The following SLC6A15 variants were observed in gnomAD, a reference collection of about 807,000 sequenced individuals.
SLC6A15 encodes solute carrier family 6 member 15, also known as sodium-dependent neutral amino acid transporter B(0)AT2.
SLC6A15 carries 33 observed loss-of-function variants against 68.5 expected under a neutral mutation model. The observed-to-expected ratio is 0.48, with a 90% CI of 0.37 to 0.64. SLC6A15 has a LOEUF of 0.64. Ranked by LOEUF, SLC6A15 falls within the 30% of genes least tolerant of loss-of-function variation. SLC6A15 has a pLI of 0.00. For synonymous variants in SLC6A15, 347 were observed against 301.0 expected (o/e 1.15, Z -1.58); for missense variants, 747 against 874.3 (o/e 0.85, Z 1.84).
At chr12:84,888,588 G>A (rs761070673) in intron 2 of SLC6A15, among the ~76,000 whole-genome samples, 1 of 152,114 alleles carries the variant, frequency 6.6e-6, no homozygotes. Context: ...ACAGTATGAT[G>A]TAATGCACTT....
intron 9 of SLC6A15, chr12:84,867,634 T>C (rs191896948): frequency 6.6e-6 from 1 of 152,356 alleles, no homozygotes; most frequent in Admixed American, 6.5e-5. Flanking sequence ...GAGACTAATA[T>C]TGCTTATATT....
intron 1 of SLC6A15, among the ~76,000 whole-genome samples, chr12:84,907,014 G>A (rs1873191744): frequency 1.3e-5 from 2 of 151,832 alleles, no homozygotes; most frequent in Non-Finnish European, 2.9e-5. Flanking sequence ...TATATTTGAA[G>A]GTCACAAATG....
intron 1 of SLC6A15, chr12:84,911,790 ATCT>A (rs1403852670): frequency 2.0e-5 from 3 of 152,426 alleles, no homozygotes; most frequent in Admixed American, 6.5e-5. Flanking sequence ...ACTGCTTCCC[ATCT>A]TCTTACAGTC....
intron 1 of SLC6A15, among the ~76,000 whole-genome samples, chr12:84,893,193 C>T (rs1016384939): frequency 1.3e-5 from 2 of 152,096 alleles, no homozygotes; most frequent in African/African-American, 4.8e-5. Flanking sequence ...GAGAAAGGTA[C>T]ATCAAATAAC....
intron 5 of SLC6A15, chr12:84,883,243 C>A (rs1186718885): frequency 1.0e-6 from 1 of 984,784 alleles, no homozygotes; most frequent in Admixed American, 6.2e-5. Context: ...AAACAAGCTA[C>A]CTAGAATTCA....
Position 84,885,908 on chromosome 12 carries a change from T to G in SLC6A15, c.447+3A>C, listed in dbSNP as rs1307345425. 1 of 1,602,154 alleles carries G rather than the reference T, an allele frequency of 6.2e-7. No individual in the cohort carries two copies. The highest frequency in any genetic ancestry group is 2.2e-5 in the East Asian group (1 of 44,716). On this transcript the variant is annotated splice_donor_region_variant and intron_variant, in intron 3 of 11. Coordinates refer to ENST00000266682, the MANE Select transcript of SLC6A15 (RefSeq NM_182767.6). ...CAGCATACACCAACAAAAGGAAACT[T>G]ACTACACAACTTGCAAATCCAATCC...
At chr12:84,884,909 T>A (rs1022348429) in intron 4 of SLC6A15, among the ~76,000 whole-genome samples, 1 of 151,948 alleles carries the variant, frequency 6.6e-6, no homozygotes, top group African/African-American at 2.4e-5. Context: ...TTACTTTCTT[T>A]AAACATGTTT....
At chr12:84,899,854 T>C (rs1252968085) in intron 1 of SLC6A15, among the ~76,000 whole-genome samples, 1 of 152,108 alleles carries the variant, frequency 6.6e-6, no homozygotes, top group Non-Finnish European at 1.5e-5. Flanking sequence ...CACTTAAAAG[T>C]AGATCCAAAA....
Position 84,883,967 on chromosome 12 carries a change from A to G in SLC6A15, c.648T>C (p.Ser216=). The G allele has an allele frequency of 6.2e-7, 1 of 1,614,196 alleles. No homozygotes were observed. Among genetic ancestry groups the G allele is most frequent in the Non-Finnish European group, 8.5e-7 (1 of 1,180,026 alleles). The change falls in exon 5 of 12, where the codon AGT becomes AGC. Residue 216 remains serine (S), a synonymous_variant. Coordinates refer to ENST00000266682, the MANE Select transcript of SLC6A15 (RefSeq NM_182767.6). ...YWYREALNIS[S]SISESGGLNW... ...TTAAGCCCCCACTTTCAGAAATGGA[A>G]CTTGAAATATTCAGTGCTTCCCTGT...
intron 5 of SLC6A15, among the ~76,000 whole-genome samples, chr12:84,879,164 G>A (rs17787827): frequency 0.012 from 1,802 of 151,920 alleles, 46 homozygotes; most frequent in Admixed American, 0.034. Context: ...CTCAGCAGTC[G>A]TTGAGCTTTG....
intron 4 of SLC6A15, 33 bp from the exon 5 acceptor site, chr12:84,884,073 A>C: frequency 1.3e-6 from 2 of 1,559,062 alleles, no homozygotes; most frequent in Non-Finnish European, 1.8e-6. Flanking sequence ...CAATTATTTC[A>C]GAATATAAAG....
intron 1 of SLC6A15, among the ~76,000 whole-genome samples, chr12:84,903,832 T>C (rs1324642538): frequency 1.3e-5 from 2 of 152,304 alleles, no homozygotes; most frequent in East Asian, 1.9e-4. Context: ...GTAACATTTA[T>C]AGATGTCAGG....
chr12:84,896,597 T>C (rs1186873811), intron 1 of SLC6A15, among the ~76,000 whole-genome samples: 1 of 152,160 alleles, frequency 6.6e-6, no homozygotes. Flanking sequence ...CTACTTCCCA[T>C]GTCAAAAAAT....
rs1362690990 is a variant in SLC6A15 at position 84,871,971 on chromosome 12, T to G, written c.1302+631A>C. Among the ~76,000 whole-genome samples, 3 of 151,920 alleles carry G rather than the reference T, an allele frequency of 2.0e-5. No homozygotes were observed. In the South Asian group the frequency reaches 6.2e-4, roughly 32 times the overall value. On this transcript the variant is annotated intron_variant, in intron 8 of 11. Transcript: ENST00000266682. ...TTCGAGACCAGCCTGGCCAAAATGG[T>G]GAACCGCCTTCTCCCGTCTCTACTA... is the stretch of plus-strand genomic sequence containing the variant.
At chr12:84,895,081 T>A (rs1592610014) in intron 1 of SLC6A15, among the ~76,000 whole-genome samples, 1 of 152,088 alleles carries the variant, frequency 6.6e-6, no homozygotes, top group Admixed American at 6.5e-5. Context: ...TTTCTTACCC[T>A]GTCCCACTTC....
intron 1 of SLC6A15, among the ~76,000 whole-genome samples, chr12:84,903,150 TTTCC>T (rs1355381513): frequency 6.6e-6 from 1 of 152,178 alleles, no homozygotes. Context: ...CATAAAGCAA[TTTCC>T]ATAAATTGGA....
At position 84,891,960 on chromosome 12, in the gene SLC6A15, C is replaced by T. The variant is rs1253121983; in HGVS notation, c.161G>A (p.Gly54Glu). 2 of 1,614,012 alleles carry T rather than the reference C, an allele frequency of 1.2e-6. No homozygotes were observed. Among genetic ancestry groups the T allele is most frequent in the African/African-American group, 2.7e-5 (2 of 75,006 alleles). Residue 54 changes from glycine (G) to glutamate (E), a missense_variant, in exon 2 of 12, where the codon GGA (glycine) becomes GAA (glutamate). Coordinates refer to ENST00000266682, the MANE Select transcript of SLC6A15 (RefSeq NM_182767.6). ...QEEKDTDVEEGSEVEDERPAW... is the reference protein window; with the variant it reads ...QEEKDTDVEEESEVEDERPAW... ...TGGTCTTTCATCTTCGACTTCAGATCCTTCTTCAACATCTGTATCTTTCTC... is the reference window on the plus strand; with the variant it reads ...TGGTCTTTCATCTTCGACTTCAGATTCTTCTTCAACATCTGTATCTTTCTC...
rs921202010 is a variant in SLC6A15 at position 84,859,790 on chromosome 12, T to C, written c.*1842A>G. The C allele has an allele frequency of 1.7e-4, 26 of 152,056 alleles. No homozygotes were observed. The highest frequency in any genetic ancestry group is 5.1e-4 in the African/African-American group (21 of 41,452). 9.4% of individuals were successfully genotyped at this position (152,056 alleles called of 1,614,324 possible). ...TTGTGAATATTCATACATAAAATGCTGTCCAAAATAAATTATTCACAGAAA... is the reference window on the plus strand; with the variant it reads ...TTGTGAATATTCATACATAAAATGCCGTCCAAAATAAATTATTCACAGAAA... On this transcript the variant is annotated 3_prime_UTR_variant, in exon 12 of 12. Transcript: ENST00000266682.
chr12:84,880,674 C>G (rs7960525), intron 5 of SLC6A15, among the ~76,000 whole-genome samples: 6,198 of 152,170 alleles, frequency 0.041, 405 homozygotes, highest in African/African-American at 0.14. Context: ...GGAAATGATA[C>G]AAAGAAACAT....
Sources: gnomAD v4.1 joint callset for allele counts (sites outside exome capture counted in the v4.1 genomes callset) on GRCh38, gnomAD v4.1.1 for gene constraint, MANE v1.5 for transcripts, NCBI Gene and HGNC (gene_info 2026-07-23, HGNC 2026-07-21) for gene names.